Variants in PDS5A observed in about 807,000 individuals in gnomAD.
The protein encoded by PDS5A is PDS5 cohesin associated factor A.
PDS5A carries 42 observed loss-of-function variants against 167.1 expected under a neutral mutation model. The observed-to-expected ratio is 0.25, with a 90% CI of 0.20 to 0.33. The LOEUF (loss-of-function observed/expected upper bound fraction) is 0.33. Among genes scored for constraint, PDS5A ranks in the 10% least tolerant of loss-of-function variants. PDS5A has a pLI of 1.00. For missense variants in PDS5A, 1,033 were observed against 1,605.9 expected (o/e 0.64, Z 6.10); for synonymous variants, 553 against 554.6 (o/e 1.00, Z 0.04).
At chr4:39,904,554 G>A (rs1242731375) in intron 11 of PDS5A, among the ~76,000 whole-genome samples, 2 of 152,076 alleles carry the variant, frequency 1.3e-5, no homozygotes, top group African/African-American at 2.4e-5. Flanking sequence ...GGATGGTCTC[G>A]ATCTCCTGAC....
At chr4:39,940,861 G>A (rs776210577) in intron 2 of PDS5A, among the ~76,000 whole-genome samples, 1 of 152,140 alleles carries the variant, frequency 6.6e-6, no homozygotes, top group African/African-American at 2.4e-5. Flanking sequence ...TGCAGAGACA[G>A]GATTTCATCA....
In PDS5A at chr4:39,930,247, G is replaced by GTTTTTTT. The variant is rs1258661213; in HGVS notation, c.139-2090_139-2084dup. Among the ~76,000 whole-genome samples the GTTTTTTT allele has an allele frequency of 8.8e-3, 540 of 61,656 alleles. 23 individuals are homozygous for GTTTTTTT. Among genetic ancestry groups the GTTTTTTT allele is most frequent in the East Asian group, 0.015 (24 of 1,612 alleles). The allele number at this position is 61,656 out of a possible 152,430, so 40.4% of individuals were successfully genotyped here. ...AAAAAAAAAAAAAAAAAAAAAAAAAGTTTTTTTGTTTTTTGTTTTTTTTTT... is the reference window on the plus strand; with the variant it reads ...AAAAAAAAAAAAAAAAAAAAAAAAAGTTTTTTTTTTTTTTGTTTTTTGTTTTTTTTTT... On this transcript the variant is annotated intron_variant, in intron 2 of 32. Coordinates refer to ENST00000303538, the MANE Select transcript of PDS5A (RefSeq NM_001100399.2).
At chr4:39,966,645 C>G (rs1293830780) in intron 2 of PDS5A, among the ~76,000 whole-genome samples, 2 of 152,128 alleles carry the variant, frequency 1.3e-5, no homozygotes, top group Non-Finnish European at 2.9e-5. Context: ...ACCAGGGTAG[C>G]TGTATTAATG....
chr4:39,831,247 T>C (rs186527880), intron 32 of PDS5A, among the ~76,000 whole-genome samples: 6 of 152,294 alleles, frequency 3.9e-5, no homozygotes, highest in African/African-American at 1.4e-4. Context: ...TAGAGGCGCG[T>C]GCGCCACCAT....
chr4:39,935,276 C>T (rs546228894), intron 2 of PDS5A, among the ~76,000 whole-genome samples: 1 of 152,220 alleles, frequency 6.6e-6, no homozygotes, highest in Admixed American at 6.5e-5. Flanking sequence ...CCAGCTACTT[C>T]CAGTAGAGAT....
chr4:39,920,963 ATAT>A (rs559971954), intron 6 of PDS5A, among the ~76,000 whole-genome samples: 5 of 152,178 alleles, frequency 3.3e-5, no homozygotes, highest in Non-Finnish European at 7.3e-5. Context: ...CTTAGAAAAT[ATAT>A]TATTTAATTT....
chr4:39,874,160 A>C, intron 20 of PDS5A, 129 bp downstream of exon 20: 1 of 658,696 alleles, frequency 1.5e-6, no homozygotes. Flanking sequence ...ATCCTTGCTC[A>C]CAAGGAATTT....
intron 32 of PDS5A, among the ~76,000 whole-genome samples, chr4:39,828,759 G>A (rs1301175637): frequency 6.6e-6 from 1 of 152,168 alleles, no homozygotes; most frequent in African/African-American, 2.4e-5. Flanking sequence ...TACTCAGATC[G>A]ACAAAAGAGC....
intron 26 of PDS5A, among the ~76,000 whole-genome samples, chr4:39,859,380 G>C (rs951374696): frequency 1.3e-5 from 2 of 151,878 alleles, no homozygotes; most frequent in African/African-American, 4.8e-5. Context: ...TCCTGGGCTC[G>C]GGCAATCCTT....
chr4:39,956,739 T>C (rs1392338779), intron 2 of PDS5A, among the ~76,000 whole-genome samples: 1 of 151,888 alleles, frequency 6.6e-6, no homozygotes, highest in African/African-American at 2.4e-5. Flanking sequence ...GCGGCACAAT[T>C]ATGGTTCACT....
chr4:39,967,306 A>G (rs991099669), intron 2 of PDS5A, among the ~76,000 whole-genome samples: 2 of 151,772 alleles, frequency 1.3e-5, no homozygotes, highest in African/African-American at 2.4e-5. Flanking sequence ...TTCCATCTCA[A>G]AAAGAAAAGA....
intron 2 of PDS5A, chr4:39,973,789 C>T: frequency 7.9e-7 from 1 of 1,265,686 alleles, no homozygotes; most frequent in Non-Finnish European, 1.2e-6. Flanking sequence ...CCAGCCAGCA[C>T]CTCCTTCAGG....
chr4:39,868,401 T>C (rs978510639), intron 22 of PDS5A, among the ~76,000 whole-genome samples: 10 of 152,232 alleles, frequency 6.6e-5, no homozygotes, highest in African/African-American at 2.4e-4. Flanking sequence ...GGACCTTGGC[T>C]CACTGCAACC....
intron 17 of PDS5A, among the ~76,000 whole-genome samples, chr4:39,883,121 C>T (rs1721100771): frequency 6.6e-6 from 1 of 152,092 alleles, no homozygotes; most frequent in African/African-American, 2.4e-5. Flanking sequence ...GAATGCTGCT[C>T]CCTCATACCT....
chr4:39,921,396 T>G (rs1724949300), intron 6 of PDS5A, among the ~76,000 whole-genome samples: 1 of 152,020 alleles, frequency 6.6e-6, no homozygotes, highest in Non-Finnish European at 1.5e-5. Context: ...TAAAATTAAG[T>G]TAACATTTCT....
intron 32 of PDS5A, among the ~76,000 whole-genome samples, chr4:39,834,698 G>T (rs1716230539): frequency 6.6e-6 from 1 of 152,172 alleles, no homozygotes; most frequent in Non-Finnish European, 1.5e-5. Context: ...AAAGTGTCTT[G>T]AAGTTGATGG....
chr4:39,842,909 T>TTATATATATATATATATATATATGTA (rs1553888363), intron 30 of PDS5A, among the ~76,000 whole-genome samples: 3 of 92,312 alleles, frequency 3.2e-5, no homozygotes, highest in African/African-American at 1.6e-4. Flanking sequence ...TATCCTATTT[T>TTATATATATATATATATATATATGTA]TATATATATA....
Position 39,920,396 on chromosome 4 carries a change from A to G in PDS5A, c.658T>C (p.Leu220=). The part of the protein sequence containing the change: ...LINLIPAHKN[L]NKQSFDLAKV... ...GCAAGGTCAAAGGACTGTTTATTTA[A>G]GTTCTGAAAAATAATAAAAACATGG... The change falls in exon 7 of 33, where the codon TTA becomes CTA. Residue 220 remains leucine (L), a synonymous_variant. Transcript: ENST00000303538. 6.8e-7 allele frequency: 1 copy of G among 1,466,512 alleles called. No homozygotes were observed. Among genetic ancestry groups the G allele is most frequent in the Non-Finnish European group, 9.5e-7 (1 of 1,056,106 alleles). 90.8% of individuals were successfully genotyped at this position (1,466,512 alleles called of 1,614,324 possible). A position where few individuals can be genotyped will look rare whatever the true frequency, so the allele number is the denominator to read the frequency against.
At chr4:39,883,644 G>C (rs549975161) in intron 17 of PDS5A, among the ~76,000 whole-genome samples, 10 of 151,842 alleles carry the variant, frequency 6.6e-5, no homozygotes, top group African/African-American at 2.4e-4. Flanking sequence ...TTTTGTTTTT[G>C]TCTTTTTTTG....
Sources: allele counts gnomAD v4.1 joint callset (sites outside exome capture counted in the v4.1 genomes callset), GRCh38; gene constraint gnomAD v4.1.1; transcripts MANE v1.5; gene names NCBI Gene and HGNC (gene_info 2026-07-23, HGNC 2026-07-21).